Variants in PRKN observed in about 807,000 individuals in gnomAD.
The protein encoded by PRKN is parkin RBR E3 ubiquitin protein ligase.
PRKN carries 56 observed loss-of-function variants against 59.5 expected under a neutral mutation model. That is an observed-to-expected ratio of 0.94 (90% CI 0.76 to 1.18). The LOEUF (loss-of-function observed/expected upper bound fraction) is 1.18. PRKN is among the 50% of genes most tolerant of loss of function. PRKN has a pLI of 0.00. For missense variants in PRKN, 657 were observed against 596.4 expected, an observed-to-expected ratio of 1.10 and a Z score of -1.06; for synonymous variants, 250 against 222.1, an observed-to-expected ratio of 1.13 and a Z score of -1.12.
At chr6:162,621,484 A>G (rs1014246307) in intron 1 of PRKN, among the ~76,000 whole-genome samples, 3 of 152,196 alleles carry the variant, frequency 2.0e-5, no homozygotes, top group Non-Finnish European at 4.4e-5. Context: ...TGACCAGAGA[A>G]ACATGAGTCA....
chr6:162,062,969 C>T (rs538620878), intron 4 of PRKN, among the ~76,000 whole-genome samples: 2 of 152,266 alleles, frequency 1.3e-5, no homozygotes, highest in South Asian at 4.1e-4. Flanking sequence ...GACAGAGGCT[C>T]TCTGTAGCAA....
intron 6 of PRKN, among the ~76,000 whole-genome samples, chr6:161,879,092 G>A (rs1330416354): frequency 6.6e-6 from 1 of 152,050 alleles, no homozygotes; most frequent in Non-Finnish European, 1.5e-5. Flanking sequence ...TTTCTCTCCA[G>A]ATTCTATATT....
chr6:161,876,211 G>T (rs2128228416), intron 6 of PRKN, among the ~76,000 whole-genome samples: 1 of 151,894 alleles, frequency 6.6e-6, no homozygotes, highest in South Asian at 2.1e-4. Context: ...GCTTCTTCTG[G>T]GTACTTAAAC....
chr6:162,212,595 T>C (rs1265008311), intron 3 of PRKN, among the ~76,000 whole-genome samples: 4 of 152,208 alleles, frequency 2.6e-5, no homozygotes, highest in African/African-American at 9.7e-5. Context: ...CTTCATTGCC[T>C]CTATAAAAGG....
chr6:161,543,377 A>G (rs1779685107), intron 9 of PRKN, among the ~76,000 whole-genome samples: 2 of 152,180 alleles, frequency 1.3e-5, no homozygotes, highest in Admixed American at 1.3e-4. Flanking sequence ...TTACAACTTC[A>G]TTTTTATAAT....
At chr6:161,608,029 T>C (rs1215271431) in intron 7 of PRKN, among the ~76,000 whole-genome samples, 1 of 152,094 alleles carries the variant, frequency 6.6e-6, no homozygotes, top group African/African-American at 2.4e-5. Context: ...ATTGATCTAG[T>C]GTTGGGGGGA....
rs536301680 is a variant in PRKN, at chr6:161,457,682, T to C, written c.1084-70805A>G. Among the ~76,000 whole-genome samples, 5 of 152,188 alleles carry C rather than the reference T, an allele frequency of 3.3e-5. No individual in the cohort carries two copies. Among genetic ancestry groups the C allele is most frequent in the Admixed American group, 2.6e-4 (4 of 15,284 alleles). On this transcript the variant is annotated intron_variant, in intron 9 of 11. Transcript: ENST00000366898. The surrounding 1 kb of genome is among the most constrained non-coding windows in gnomAD (Gnocchi z 5.0). ...GGTCAGAAAGCAAAATCAAGGAATA[T>C]GAAAATCTACTGTTAGGTACAAACG...
chr6:162,295,554 A>G (rs936152664), intron 2 of PRKN, among the ~76,000 whole-genome samples: 3 of 152,166 alleles, frequency 2.0e-5, no homozygotes, highest in African/African-American at 4.8e-5. Flanking sequence ...ATCTCCTATT[A>G]GGACTAATGC....
At chr6:161,757,871 C>CTCTCTGTGTG (rs1380898753) in intron 7 of PRKN, among the ~76,000 whole-genome samples, 2 of 97,984 alleles carry the variant, frequency 2.0e-5, no homozygotes, top group African/African-American at 4.5e-5. Context: ...CTCTCTCTCT[C>CTCTCTGTGTG]TGTGTATATA....
At chr6:162,641,988 CT>C (rs1777981489) in intron 1 of PRKN, among the ~76,000 whole-genome samples, 1 of 152,206 alleles carries the variant, frequency 6.6e-6, no homozygotes, top group South Asian at 2.1e-4. Context: ...TCTTCATATG[CT>C]GGAATACACT....
At chr6:162,723,925 G>A (rs956528258) in intron 1 of PRKN, among the ~76,000 whole-genome samples, 1 of 152,176 alleles carries the variant, frequency 6.6e-6, no homozygotes, top group African/African-American at 2.4e-5. Context: ...ACAAGGTATA[G>A]AAGAGACTAT....
chr6:162,251,466 T>G (rs1167358994), intron 3 of PRKN, among the ~76,000 whole-genome samples: 1 of 152,182 alleles, frequency 6.6e-6, no homozygotes, highest in Non-Finnish European at 1.5e-5. Context: ...GCGGGAGTGC[T>G]GAGTTACAGT....
rs535539701 is a variant in PRKN at position 162,362,083 on chromosome 6, GC to G, written c.171+81226del. ...AAAAGTAAAAGATCCCAAACATTTT[GC>G]CAAATATGCAGTGTTCCAAAGGGAA... On this transcript the variant is annotated intron_variant, in intron 2 of 11. Transcript: ENST00000366898. Among the ~76,000 whole-genome samples the G allele has an allele frequency of 1.3e-3, 196 of 152,274 alleles. 1 individual carries two copies. The highest frequency in any genetic ancestry group is 4.5e-3 in the African/African-American group (187 of 41,556).
At chr6:162,129,198 T>C (rs1005141559) in intron 4 of PRKN, among the ~76,000 whole-genome samples, 1 of 152,234 alleles carries the variant, frequency 6.6e-6, no homozygotes, top group Non-Finnish European at 1.5e-5. Context: ...TATTAAGTAC[T>C]TCATCATCAT....
chr6:162,577,359 G>A (rs1413714927), intron 1 of PRKN, among the ~76,000 whole-genome samples: 1 of 151,506 alleles, frequency 6.6e-6, no homozygotes, highest in African/African-American at 2.4e-5. Flanking sequence ...CAGCACTTTG[G>A]GAGGCCGAGG....
At chr6:162,478,689 A>G (rs950722912) in intron 1 of PRKN, among the ~76,000 whole-genome samples, 3 of 152,164 alleles carry the variant, frequency 2.0e-5, no homozygotes, top group African/African-American at 7.2e-5. Context: ...GGACTTACAT[A>G]AACCCAGATG....
At chr6:162,273,881 C>T (rs571211167) in intron 2 of PRKN, among the ~76,000 whole-genome samples, 1 of 152,194 alleles carries the variant, frequency 6.6e-6, no homozygotes, top group Non-Finnish European at 1.5e-5. Flanking sequence ...TCACTACCCA[C>T]TTTCCCTTCC....
At chr6:162,689,066 C>T (rs1382716271) in intron 1 of PRKN, among the ~76,000 whole-genome samples, 2 of 152,194 alleles carry the variant, frequency 1.3e-5, no homozygotes, top group Non-Finnish European at 2.9e-5. Flanking sequence ...TTTTCCCCCA[C>T]TTCTTGTATT....
chr6:161,616,409 CTTT>C (rs75076099), intron 7 of PRKN, among the ~76,000 whole-genome samples: 1 of 143,538 alleles, frequency 7.0e-6, no homozygotes, highest in African/African-American at 2.6e-5. Context: ...TCCATGTGTT[CTTT>C]TTTTTTTTTT....
Sources: allele counts gnomAD v4.1 joint callset (sites outside exome capture counted in the v4.1 genomes callset), GRCh38; gene constraint gnomAD v4.1.1; non-coding constraint Gnocchi (gnomAD v3.1); transcripts MANE v1.5; gene names NCBI Gene and HGNC (gene_info 2026-07-23, HGNC 2026-07-21).